The following THSD7B variants were observed in gnomAD, a reference collection of about 807,000 sequenced individuals.
THSD7B encodes the protein thrombospondin type-1 domain-containing protein 7B.
In THSD7B, 138 loss-of-function variants were observed where a neutral mutation model predicts 213.6. The ratio of observed to expected loss-of-function variants is 0.65; its 90% confidence interval spans 0.56 to 0.74. The LOEUF is 0.74. Among genes scored for constraint, THSD7B ranks in the 30% least tolerant of loss-of-function variants. The pLI, the probability that THSD7B is intolerant of heterozygous loss-of-function variation, is 0.00. For missense variants in THSD7B, 1,931 were observed against 1,991.5 expected (o/e 0.97, Z 0.58); for synonymous variants, 742 against 687.0 (o/e 1.08, Z -1.25).
intron 15 of THSD7B, among the ~76,000 whole-genome samples, chr2:137,483,998 C>T (rs6738926): frequency 0.72 from 109,801 of 151,808 alleles, 40,377 homozygotes; most frequent in Non-Finnish European, 0.8. Flanking sequence ...CAGACATGCT[C>T]GGTTTGAGGT....
At chr2:136,905,122 G>A (rs1684137144) in intron 2 of THSD7B, among the ~76,000 whole-genome samples, 1 of 152,206 alleles carries the variant, frequency 6.6e-6, no homozygotes, top group Non-Finnish European at 1.5e-5. Flanking sequence ...GACAATGCAG[G>A]AAATCACTGG....
chr2:137,463,837 A>T (rs143991684), intron 15 of THSD7B, among the ~76,000 whole-genome samples: 1 of 152,110 alleles, frequency 6.6e-6, no homozygotes, highest in African/African-American at 2.4e-5. Context: ...TTTAGCATTA[A>T]AATGAGGTGG....
At chr2:136,977,604 A>G (rs1343471408) in intron 2 of THSD7B, among the ~76,000 whole-genome samples, 6 of 152,206 alleles carry the variant, frequency 3.9e-5, no homozygotes, top group African/African-American at 1.2e-4. Flanking sequence ...ACTTAGTGCT[A>G]TAAATTTCCC....
At chr2:137,628,041 G>C (rs1682664779) in intron 20 of THSD7B, among the ~76,000 whole-genome samples, 1 of 152,192 alleles carries the variant, frequency 6.6e-6, no homozygotes, top group African/African-American at 2.4e-5. Context: ...GCACATGTTA[G>C]CGGTTTAGTT....
At chr2:137,497,489 C>T (rs558019758) in intron 15 of THSD7B, among the ~76,000 whole-genome samples, 3 of 151,906 alleles carry the variant, frequency 2.0e-5, no homozygotes, top group African/African-American at 7.2e-5. Context: ...GAGACTAGAC[C>T]CACTTCCAAA....
intron 27 of THSD7B, among the ~76,000 whole-genome samples, chr2:137,674,958 T>C (rs1285253590): frequency 6.6e-6 from 1 of 152,216 alleles, no homozygotes; most frequent in Non-Finnish European, 1.5e-5. Context: ...AAATTAAAAC[T>C]TGAGCATTTT....
chr2:137,371,854 A>T (rs1253913346), intron 12 of THSD7B, among the ~76,000 whole-genome samples: 5 of 152,058 alleles, frequency 3.3e-5, no homozygotes, highest in Admixed American at 3.3e-4. Flanking sequence ...TCATGGTAGA[A>T]ATCTTTCTGT....
intron 15 of THSD7B, among the ~76,000 whole-genome samples, chr2:137,505,257 A>T (rs1679807737): frequency 6.6e-6 from 1 of 152,186 alleles, no homozygotes; most frequent in Admixed American, 6.5e-5. Flanking sequence ...AGAGAAGATG[A>T]TATGCTTTAA....
chr2:137,364,072 C>G (rs553535014), intron 12 of THSD7B, among the ~76,000 whole-genome samples: 2 of 152,320 alleles, frequency 1.3e-5, no homozygotes, highest in Non-Finnish European at 2.9e-5. Flanking sequence ...CCCTGGAATG[C>G]AAGGCTGGTT....
In THSD7B at chr2:136,936,857, C is replaced by G. The variant is rs1478194586; in HGVS notation, c.139+54540C>G. Among the ~76,000 whole-genome samples, 5 of 152,146 alleles carry G rather than the reference C, an allele frequency of 3.3e-5. No individual in the cohort carries two copies. In the East Asian group the frequency reaches 9.7e-4, roughly 29 times the overall value. ...AAAAAAAGAAATGATAACATTTCTCCTTTCCCTCAACTACATCTTCCTAAA... is the reference window on the plus strand; with the variant it reads ...AAAAAAAGAAATGATAACATTTCTCGTTTCCCTCAACTACATCTTCCTAAA... On this transcript the variant is annotated intron_variant, in intron 2 of 27. Transcript: ENST00000409968.
intron 7 of THSD7B, among the ~76,000 whole-genome samples, chr2:137,191,589 CTTTA>C (rs1323499062): frequency 6.6e-6 from 1 of 152,002 alleles, no homozygotes; most frequent in Non-Finnish European, 1.5e-5. Context: ...GCCTCTGGGC[CTTTA>C]TTTAACACTA....
intron 1 of THSD7B, 123 bp from the exon 2 acceptor site, chr2:136,882,021 G>A (rs958159595): frequency 5.0e-6 from 3 of 595,046 alleles, no homozygotes; most frequent in African/African-American, 3.9e-5. Flanking sequence ...GATATTATAT[G>A]TACTATCTTC....
At chr2:137,302,833 T>A (rs949846237) in intron 12 of THSD7B, among the ~76,000 whole-genome samples, 2 of 152,132 alleles carry the variant, frequency 1.3e-5, no homozygotes, top group African/African-American at 4.8e-5. Flanking sequence ...AAAAACGAAG[T>A]CATGACCATT....
intron 5 of THSD7B, among the ~76,000 whole-genome samples, chr2:137,141,213 C>G (rs1679578734): frequency 6.6e-6 from 1 of 152,074 alleles, no homozygotes; most frequent in Non-Finnish European, 1.5e-5. Context: ...AGTTGAGTGA[C>G]AGGAGATGCC....
At chr2:137,409,230 G>T (rs1165809592) in intron 13 of THSD7B, among the ~76,000 whole-genome samples, 1 of 152,194 alleles carries the variant, frequency 6.6e-6, no homozygotes, top group Admixed American at 6.6e-5. Context: ...AGTGAGGTAT[G>T]ATGGCATCAA....
intron 7 of THSD7B, among the ~76,000 whole-genome samples, chr2:137,191,916 C>T (rs1042904237): frequency 6.6e-6 from 1 of 152,102 alleles, no homozygotes; most frequent in Non-Finnish European, 1.5e-5. Context: ...AAAGCCACCT[C>T]GATTTCTTTA....
intron 15 of THSD7B, among the ~76,000 whole-genome samples, chr2:137,497,569 A>G (rs954110902): frequency 6.6e-6 from 1 of 152,124 alleles, no homozygotes; most frequent in African/African-American, 2.4e-5. Flanking sequence ...TATCAAACAT[A>G]TAATTATACA....
At chr2:137,061,751 A>G (rs1347453355) in intron 3 of THSD7B, among the ~76,000 whole-genome samples, 1 of 151,740 alleles carries the variant, frequency 6.6e-6, no homozygotes. Context: ...ATAGTGTTGG[A>G]TTTGACTTGC....
At chr2:137,237,752 T>C (rs765041945) in intron 9 of THSD7B, among the ~76,000 whole-genome samples, 3 of 152,132 alleles carry the variant, frequency 2.0e-5, no homozygotes, top group Admixed American at 6.5e-5. Flanking sequence ...TGTATGGAAA[T>C]TGGAAATGTG....
Sources: allele counts gnomAD v4.1 joint callset (sites outside exome capture counted in the v4.1 genomes callset), GRCh38; gene constraint gnomAD v4.1.1; transcripts MANE v1.5; gene names NCBI Gene and HGNC (gene_info 2026-07-23, HGNC 2026-07-21).